KATNAL1: variants seen among roughly 807,000 people sequenced by gnomAD.
KATNAL1 encodes the protein katanin p60 ATPase-containing subunit A-like 1.
KATNAL1 carries 32 observed loss-of-function variants against 55.2 expected under a neutral mutation model. That is an observed-to-expected ratio of 0.58 (90% CI 0.44 to 0.78). The LOEUF is 0.78. Ranked by LOEUF, KATNAL1 falls within the 30% of genes least tolerant of loss-of-function variation. KATNAL1 has a pLI of 0.00. For synonymous variants in KATNAL1, 193 were observed against 193.6 expected (o/e 1.00, Z 0.02); for missense variants, 466 against 600.9 (o/e 0.78, Z 2.35).
chr13:30,295,865 CAA>C (rs1476554403), intron 1 of KATNAL1, among the ~76,000 whole-genome samples: 1 of 152,076 alleles, frequency 6.6e-6, no homozygotes, highest in Non-Finnish European at 1.5e-5. Flanking sequence ...AAATTTTTCA[CAA>C]AAGGAAGAGT....
At chr13:30,253,596 T>C (rs1236757834) in intron 4 of KATNAL1, among the ~76,000 whole-genome samples, 3 of 136,830 alleles carry the variant, frequency 2.2e-5, no homozygotes, top group Non-Finnish European at 4.6e-5. Context: ...ACCTGGGAGG[T>C]GGAGCCTGCA....
chr13:30,263,375 T>C (rs1347737142), intron 3 of KATNAL1, among the ~76,000 whole-genome samples: 4 of 151,410 alleles, frequency 2.6e-5, no homozygotes, highest in Admixed American at 2.0e-4. Context: ...GCCAGGGCAA[T>C]TAGGCAGGAG....
Position 30,255,584 on chromosome 13 carries a change from C to T in KATNAL1, c.355G>A (p.Glu119Lys). The T allele has an allele frequency of 6.5e-7, 1 of 1,542,996 alleles. No individual in the cohort carries two copies. The highest frequency in any genetic ancestry group is 8.7e-7 in the Non-Finnish European group (1 of 1,146,558). The change falls in exon 4 of 11, where the codon GAA becomes AAA. Residue 119 changes from glutamate (E) to lysine (K), a missense_variant. Coordinates refer to ENST00000380615, the MANE Select transcript of KATNAL1 (RefSeq NM_032116.5). ...APPQIRRPNR[E>K]VRPLRKEMAG... ...ATTTCTTTCCTCAGAGGTCTTACTTCTCGATTGGGACGCCTGATCTGAGGT... is the reference window on the plus strand; with the variant it reads ...ATTTCTTTCCTCAGAGGTCTTACTTTTCGATTGGGACGCCTGATCTGAGGT...
At chr13:30,270,408 C>T (rs1176598966) in intron 3 of KATNAL1, among the ~76,000 whole-genome samples, 8 of 152,072 alleles carry the variant, frequency 5.3e-5, no homozygotes, top group East Asian at 1.9e-4. Flanking sequence ...GCCACCACCC[C>T]GTCTGGGAGG....
chr13:30,282,171 GTTT>G (rs1376701970), intron 2 of KATNAL1, among the ~76,000 whole-genome samples: 1 of 102,872 alleles, frequency 9.7e-6, no homozygotes, highest in African/African-American at 5.9e-5. Context: ...TAAAATTCAA[GTTT>G]TTAACTGTCT....
chr13:30,223,396 C>G (rs550161406), intron 9 of KATNAL1, among the ~76,000 whole-genome samples: 3 of 132,000 alleles, frequency 2.3e-5, no homozygotes, highest in Non-Finnish European at 4.6e-5. Context: ...GAGCCCAGAT[C>G]CTGCCACTGC....
intron 4 of KATNAL1, among the ~76,000 whole-genome samples, chr13:30,251,010 C>T (rs1021311502): frequency 2.0e-5 from 3 of 151,912 alleles, no homozygotes; most frequent in Non-Finnish European, 2.9e-5. Context: ...TGGTGGCGGC[C>T]GCCTGTAGTC....
chr13:30,236,392 T>C lies in KATNAL1; in HGVS notation c.726+4068A>G, dbSNP rs543064607. On this transcript the variant is annotated intron_variant, in intron 6 of 10. Coordinates refer to ENST00000380615, the MANE Select transcript of KATNAL1 (RefSeq NM_032116.5). ...TCTGGGTAGGTGATGTCAGAAGTCA[T>C]TCAATTCAAGCCTGGAATCTGGGAG... Among the ~76,000 whole-genome samples, 4 of 152,306 alleles carry C rather than the reference T, an allele frequency of 2.6e-5. No individual in the cohort carries two copies. In the East Asian group the frequency reaches 5.8e-4, roughly 22 times the overall value.
At chr13:30,270,495 G>A (rs1880245203) in intron 3 of KATNAL1, among the ~76,000 whole-genome samples, 1 of 152,120 alleles carries the variant, frequency 6.6e-6, no homozygotes, top group Non-Finnish European at 1.5e-5. Flanking sequence ...GAAAGGTGGG[G>A]AAAAGATTGA....
chr13:30,247,667 G>A (rs1272276804), intron 4 of KATNAL1, among the ~76,000 whole-genome samples: 1 of 152,104 alleles, frequency 6.6e-6, no homozygotes, highest in Non-Finnish European at 1.5e-5. Flanking sequence ...TGAGAGGAGG[G>A]GAGAAAGAAG....
At chr13:30,301,000 A>T (rs1048659898) in intron 1 of KATNAL1, among the ~76,000 whole-genome samples, 2 of 152,248 alleles carry the variant, frequency 1.3e-5, no homozygotes, top group African/African-American at 2.4e-5. Context: ...TCTAAATTCT[A>T]CTGGCAGCTT....
At chr13:30,255,905 T>G (rs1039547710) in intron 3 of KATNAL1, among the ~76,000 whole-genome samples, 1 of 152,112 alleles carries the variant, frequency 6.6e-6, no homozygotes, top group Non-Finnish European at 1.5e-5. Context: ...ACACAGACTA[T>G]CCCTATCTAA....
chr13:30,209,432 A>G (rs528965657), intron 10 of KATNAL1, among the ~76,000 whole-genome samples: 3 of 152,380 alleles, frequency 2.0e-5, no homozygotes, highest in Admixed American at 2.0e-4. Flanking sequence ...GTATGCCACT[A>G]AACTTGGATG....
At chr13:30,251,501 G>A (rs1295392554) in intron 4 of KATNAL1, among the ~76,000 whole-genome samples, 1 of 152,146 alleles carries the variant, frequency 6.6e-6, no homozygotes, top group East Asian at 1.9e-4. Flanking sequence ...AAGGGAGCCT[G>A]TTGGCCCCTT....
intron 4 of KATNAL1, among the ~76,000 whole-genome samples, chr13:30,254,579 G>A (rs774009337): frequency 2.7e-4 from 41 of 152,176 alleles, no homozygotes; most frequent in Admixed American, 2.0e-4. Flanking sequence ...AAAATTACAC[G>A]TAATAAAAAT....
intron 3 of KATNAL1, among the ~76,000 whole-genome samples, chr13:30,271,772 CCTTCTTTCTA>C (rs1880380024): frequency 1.3e-5 from 2 of 150,886 alleles, no homozygotes; most frequent in Non-Finnish European, 2.9e-5. Flanking sequence ...AGGGTAAGGA[CCTTCTTTCTA>C]CTGCTCTTTG....
chr13:30,263,454 T>C (rs989930919), intron 3 of KATNAL1, among the ~76,000 whole-genome samples: 3 of 151,230 alleles, frequency 2.0e-5, no homozygotes, highest in Non-Finnish European at 3.0e-5. Context: ...ACGACATGAT[T>C]GTATATCTAG....
At chr13:30,238,699 T>A (rs892928104) in intron 6 of KATNAL1, among the ~76,000 whole-genome samples, 3 of 152,166 alleles carry the variant, frequency 2.0e-5, no homozygotes, top group African/African-American at 7.2e-5. Context: ...GTACCACCCA[T>A]TAGGCTCTGC....
At chr13:30,240,351 C>T (rs188026501) in intron 6 of KATNAL1, 109 bp downstream of exon 6, 3 of 740,528 alleles carry the variant, frequency 4.1e-6, no homozygotes, top group African/African-American at 3.5e-5. Context: ...ATAAACTTCT[C>T]CCAACCTTTT....
Sources: gnomAD v4.1 joint callset for allele counts (sites outside exome capture counted in the v4.1 genomes callset) on GRCh38, gnomAD v4.1.1 for gene constraint, MANE v1.5 for transcripts, NCBI Gene and HGNC (gene_info 2026-07-23, HGNC 2026-07-21) for gene names.